Variants in FRAS1 observed in about 807,000 individuals in gnomAD.
FRAS1 encodes extracellular matrix organizing protein FRAS1.
In FRAS1, 290 loss-of-function variants were observed where a neutral mutation model predicts 435.2. The observed-to-expected ratio is 0.67, with a 90% confidence interval of 0.61 to 0.73. FRAS1 has a LOEUF of 0.73. Among genes scored for constraint, FRAS1 ranks in the 30% least tolerant of loss-of-function variants. The pLI, the probability that FRAS1 is intolerant of heterozygous loss-of-function variation, is 0.00. For missense variants in FRAS1, 4,860 were observed against 5,001.5 expected, an observed-to-expected ratio of 0.97 and a Z score of 0.85; for synonymous variants, 1,800 against 1,851.0, an observed-to-expected ratio of 0.97 and a Z score of 0.71.
Position 78,446,588 on chromosome 4 carries a change from T to A in FRAS1, c.5857-139T>A. ...TCTCTTTTCAAACTAACTATTTTGC[T>A]TGGGAAGTAAAGATGGTGCCACATT... is the stretch of plus-strand genomic sequence containing the variant. On this transcript the variant is annotated intron_variant, in intron 42 of 73. Coordinates refer to ENST00000512123, the MANE Select transcript of FRAS1 (RefSeq NM_025074.7). 2.9e-6 allele frequency: 4 copies of A among 1,400,264 alleles called. No individual in the cohort carries two copies. The South Asian group carries it at 6.8e-5, about 24-fold the overall frequency. 86.7% of individuals were successfully genotyped at this position (1,400,264 alleles called of 1,614,324 possible).
At chr4:78,320,049 C>T (rs1197734022) in intron 18 of FRAS1, among the ~76,000 whole-genome samples, 1 of 152,194 alleles carries the variant, frequency 6.6e-6, no homozygotes, top group East Asian at 1.9e-4. Flanking sequence ...CCCTCCTGCT[C>T]CGTGGGTGCA....
intron 2 of FRAS1, among the ~76,000 whole-genome samples, chr4:78,234,658 GC>G (rs1233916799): frequency 6.6e-6 from 1 of 152,214 alleles, no homozygotes; most frequent in African/African-American, 2.4e-5. Flanking sequence ...AAGTTCTGGT[GC>G]TCTTCTGCTT....
intron 2 of FRAS1, among the ~76,000 whole-genome samples, chr4:78,213,423 G>A (rs1452594801): frequency 1.3e-5 from 2 of 152,240 alleles, no homozygotes; most frequent in East Asian, 3.8e-4. Context: ...ATGCAGTCAG[G>A]TAAACACACT....
intron 71 of FRAS1, 74 bp downstream of exon 71, chr4:78,534,689 G>A (rs966286932): frequency 9.8e-6 from 14 of 1,431,234 alleles, no homozygotes; most frequent in Middle Eastern, 2.0e-4. Flanking sequence ...CACCGGACTG[G>A]CATCTCTGCT....
At position 78,513,487 on chromosome 4, in the gene FRAS1, C is replaced by T; in HGVS notation, c.10109C>T (p.Ser3370Phe). 3.7e-6 allele frequency: 6 copies of T among 1,613,344 alleles called. No individual in the cohort carries two copies. The highest frequency in any genetic ancestry group is 5.1e-6 in the Non-Finnish European group (6 of 1,179,282). Residue 3370 changes from serine (S) to phenylalanine (F), a missense_variant, in exon 65 of 74, where the codon TCC becomes TTC. Ser to Phe is a radical substitution (Grantham distance 155). Coordinates refer to ENST00000512123, the MANE Select transcript of FRAS1 (RefSeq NM_025074.7). Reference protein sequence around the residue: ...LHNLHFLLSESIYRHQHVCSN... With the variant: ...LHNLHFLLSEFIYRHQHVCSN... ...AACTTACATTTTCTACTGTCTGAGT[C>T]CATCTACAGACACCAGCACGTCTGC...
chr4:78,059,133 G>A (rs1384074105), intron 1 of FRAS1, among the ~76,000 whole-genome samples: 1 of 152,182 alleles, frequency 6.6e-6, no homozygotes, highest in Non-Finnish European at 1.5e-5. Flanking sequence ...GCGGGCGCAG[G>A]GCGGGCCGCC....
intron 43 of FRAS1, among the ~76,000 whole-genome samples, chr4:78,447,158 A>G (rs1183314461): frequency 6.7e-6 from 1 of 149,444 alleles, no homozygotes; most frequent in African/African-American, 2.5e-5. Flanking sequence ...AGTTTTCAGA[A>G]TTTGCCTATT....
At chr4:78,400,035 C>A (rs955220331) in intron 29 of FRAS1, among the ~76,000 whole-genome samples, 5 of 152,216 alleles carry the variant, frequency 3.3e-5, no homozygotes, top group African/African-American at 9.6e-5. Context: ...GCTCCCTGAG[C>A]CCTACTGGCA....
intron 2 of FRAS1, among the ~76,000 whole-genome samples, chr4:78,146,157 A>G (rs1720413165): frequency 6.6e-6 from 1 of 152,134 alleles, no homozygotes; most frequent in Admixed American, 6.6e-5. Flanking sequence ...AAATCAAAGG[A>G]ATAATGTACA....
intron 2 of FRAS1, among the ~76,000 whole-genome samples, chr4:78,123,902 T>C (rs991198412): frequency 2.0e-5 from 3 of 152,232 alleles, no homozygotes; most frequent in African/African-American, 4.8e-5. Context: ...TTTTTAAACA[T>C]ACAATCAAGT....
intron 2 of FRAS1, among the ~76,000 whole-genome samples, chr4:78,072,948 G>A (rs1481643147): frequency 6.6e-6 from 1 of 152,012 alleles, no homozygotes. Context: ...TCTGATTTGG[G>A]TTCTCACCTG....
chr4:78,156,369 A>G (rs1720884255), intron 2 of FRAS1, among the ~76,000 whole-genome samples: 1 of 150,546 alleles, frequency 6.6e-6, no homozygotes, highest in African/African-American at 2.5e-5. Flanking sequence ...CAGGATCTAT[A>G]GTGGTGGCTT....
Position 78,402,803 on chromosome 4 carries a change from C to T in FRAS1, c.4129+1916C>T, listed in dbSNP as rs542347954. On this transcript the variant is annotated intron_variant, in intron 30 of 73. Transcript: ENST00000512123. ...TCCAATCTGCGACACACACTTCCTC[C>T]GTCTTTGTCTTTTATGACACTGACT... Among the ~76,000 whole-genome samples, 12 of 152,274 alleles carry T rather than the reference C, an allele frequency of 7.9e-5. No homozygotes were observed. The South Asian group carries it at 1.7e-3, about 21-fold the overall frequency.
At chr4:78,111,909 C>T (rs1578129854) in intron 2 of FRAS1, among the ~76,000 whole-genome samples, 1 of 151,950 alleles carries the variant, frequency 6.6e-6, no homozygotes, top group Non-Finnish European at 1.5e-5. Flanking sequence ...TTACTGCAGC[C>T]ATATTACACA....
At chr4:78,325,974 T>C (rs1729701923) in intron 18 of FRAS1, among the ~76,000 whole-genome samples, 1 of 152,158 alleles carries the variant, frequency 6.6e-6, no homozygotes, top group African/African-American at 2.4e-5. Flanking sequence ...TCTTATAGTA[T>C]AAAGTCCAAA....
At chr4:78,162,204 G>T (rs1426153360) in intron 2 of FRAS1, among the ~76,000 whole-genome samples, 1 of 152,062 alleles carries the variant, frequency 6.6e-6, no homozygotes, top group African/African-American at 2.4e-5. Flanking sequence ...GAAGAAGGGA[G>T]GAAACATAGA....
At chr4:78,407,872 C>A in intron 31 of FRAS1, 31 bp downstream of exon 31, 1 of 1,542,494 alleles carries the variant, frequency 6.5e-7, no homozygotes, top group South Asian at 1.3e-5. Context: ...TTTCTGAAGT[C>A]TGATGAATCC....
intron 6 of FRAS1, among the ~76,000 whole-genome samples, chr4:78,256,376 G>A (rs1299670881): frequency 1.3e-5 from 2 of 152,146 alleles, no homozygotes; most frequent in Non-Finnish European, 2.9e-5. Context: ...ACAGTGTCTT[G>A]CTCTAATGCT....
At chr4:78,403,808 T>G (rs1732998470) in intron 30 of FRAS1, among the ~76,000 whole-genome samples, 1 of 152,236 alleles carries the variant, frequency 6.6e-6, no homozygotes, top group Admixed American at 6.5e-5. Flanking sequence ...TAGCTTAGCC[T>G]AGCCTACCTT....
Sources: gnomAD v4.1 joint callset for allele counts (sites outside exome capture counted in the v4.1 genomes callset) on GRCh38, gnomAD v4.1.1 for gene constraint, MANE v1.5 for transcripts, NCBI Gene and HGNC (gene_info 2026-07-23, HGNC 2026-07-21) for gene names.